Variants in BCKDHB observed in about 807,000 individuals in gnomAD.
The protein encoded by BCKDHB is 2-oxoisovalerate dehydrogenase subunit beta, mitochondrial.
BCKDHB carries 41 observed loss-of-function variants against 48.5 expected under a neutral mutation model. The observed-to-expected ratio is 0.85, with a 90% CI of 0.66 to 1.10. The LOEUF (loss-of-function observed/expected upper bound fraction) is 1.10, where lower values mean the gene tolerates loss of function less well. BCKDHB is among the 50% of genes least tolerant of loss of function. The probability of loss-of-function intolerance (pLI) is 0.00; values close to 1 mark genes in which losing one functional copy is unlikely to be tolerated. For synonymous variants in BCKDHB, 201 were observed against 174.8 expected (o/e 1.15, Z -1.18); for missense variants, 496 against 494.2 (o/e 1.00, Z -0.03).
chr6:80,259,125 G>A (rs1318643927), intron 8 of BCKDHB, among the ~76,000 whole-genome samples: 2 of 152,138 alleles, frequency 1.3e-5, no homozygotes, highest in East Asian at 3.9e-4. Context: ...TAAAAAACCT[G>A]ACCTTTGACA....
chr6:80,384,389 C>T, the BCKDHB span, among the ~76,000 whole-genome samples: 3 of 150,734 alleles, frequency 2.0e-5, no homozygotes, highest in South Asian at 2.1e-4. Context: ...GATGGAGTCT[C>T]GCTCTGTCAC....
intron 3 of BCKDHB, among the ~76,000 whole-genome samples, chr6:80,154,666 A>AT (rs1771952653): frequency 6.6e-6 from 1 of 152,104 alleles, no homozygotes; most frequent in African/African-American, 2.4e-5. Context: ...ATACTTTAAG[A>AT]TTTCTTTTAT....
At chr6:80,432,491 A>T in the BCKDHB span, among the ~76,000 whole-genome samples, 1 of 152,028 alleles carries the variant, frequency 6.6e-6, no homozygotes, top group Non-Finnish European at 1.5e-5. Context: ...ATACTTGTGT[A>T]TGCTTCACGA....
intron 3 of BCKDHB, among the ~76,000 whole-genome samples, chr6:80,149,947 G>A (rs1771686105): frequency 6.6e-6 from 1 of 150,922 alleles, no homozygotes; most frequent in Non-Finnish European, 1.5e-5. Flanking sequence ...CCTGCACATT[G>A]TGCACATGTA....
At chr6:80,442,548 A>G in the BCKDHB span, among the ~76,000 whole-genome samples, 1 of 152,182 alleles carries the variant, frequency 6.6e-6, no homozygotes, top group Non-Finnish European at 1.5e-5. Context: ...AAGCTTAGCC[A>G]TGAGAATGGA....
chr6:80,235,990 C>A (rs1051152308), intron 8 of BCKDHB, among the ~76,000 whole-genome samples: 1 of 152,166 alleles, frequency 6.6e-6, no homozygotes, highest in Non-Finnish European at 1.5e-5. Flanking sequence ...GTCAACCAGG[C>A]AACTTAACCT....
At chr6:80,134,926 AT>A (rs1770809831) in intron 3 of BCKDHB, among the ~76,000 whole-genome samples, 1 of 151,690 alleles carries the variant, frequency 6.6e-6, no homozygotes, top group Non-Finnish European at 1.5e-5. Context: ...TGATTTTTGT[AT>A]TTTTAGTAGA....
At chr6:80,435,245 G>A in the BCKDHB span, among the ~76,000 whole-genome samples, 1 of 152,166 alleles carries the variant, frequency 6.6e-6, no homozygotes, top group Non-Finnish European at 1.5e-5. Context: ...GGAGTCTACA[G>A]CTGGGCACAA....
At chr6:80,371,109 A>G in the BCKDHB span, among the ~76,000 whole-genome samples, 2 of 152,080 alleles carry the variant, frequency 1.3e-5, no homozygotes, top group African/African-American at 2.4e-5. Flanking sequence ...CCCACCAACA[A>G]TGTAAAAGTG....
At chr6:80,282,135 G>T (rs1766357692) in intron 9 of BCKDHB, among the ~76,000 whole-genome samples, 1 of 151,946 alleles carries the variant, frequency 6.6e-6, no homozygotes, top group Non-Finnish European at 1.5e-5. Context: ...AAATTAATAG[G>T]GCCTTTATTT....
At chr6:80,162,071 C>T (rs1772343489) in intron 3 of BCKDHB, among the ~76,000 whole-genome samples, 1 of 152,150 alleles carries the variant, frequency 6.6e-6, no homozygotes, top group South Asian at 2.1e-4. Context: ...GCAAAACATG[C>T]CATGATGCAA....
At chr6:80,233,410 A>G (rs1380914468) in intron 8 of BCKDHB, among the ~76,000 whole-genome samples, 1 of 152,178 alleles carries the variant, frequency 6.6e-6, no homozygotes, top group Non-Finnish European at 1.5e-5. Flanking sequence ...ATCATTCCCA[A>G]CTAAGAATCA....
intron 9 of BCKDHB, among the ~76,000 whole-genome samples, chr6:80,318,651 C>T (rs1768560360): frequency 1.4e-5 from 2 of 147,658 alleles, no homozygotes; most frequent in South Asian, 4.3e-4. Context: ...TGCCACTGCA[C>T]TCCAGCCTGG....
chr6:80,120,619 T>C (rs567444841), intron 1 of BCKDHB, among the ~76,000 whole-genome samples: 1 of 152,366 alleles, frequency 6.6e-6, no homozygotes, highest in African/African-American at 2.4e-5. Flanking sequence ...CCGGTGATGA[T>C]AAGCATTTTC....
chr6:80,260,847 A>G (rs1777269311), intron 8 of BCKDHB, among the ~76,000 whole-genome samples: 1 of 152,242 alleles, frequency 6.6e-6, no homozygotes, highest in African/African-American at 2.4e-5. Flanking sequence ...CAAAGATAAC[A>G]TAACAGAAAG....
chr6:80,411,153 T>C, the BCKDHB span, among the ~76,000 whole-genome samples: 1 of 152,194 alleles, frequency 6.6e-6, no homozygotes, highest in Non-Finnish European at 1.5e-5. Flanking sequence ...CTTTTGTTGA[T>C]GTTGATGCTG....
chr6:80,162,502 T>C (rs1772365577), intron 3 of BCKDHB, among the ~76,000 whole-genome samples: 1 of 152,210 alleles, frequency 6.6e-6, no homozygotes, highest in Non-Finnish European at 1.5e-5. Flanking sequence ...CAGTGTTCTC[T>C]TCTCTACTGA....
rs1562241515 is a variant in BCKDHB, at chr6:80,342,583, AGGG to A, written c.1039-1080_1039-1078del. 4.5e-3 allele frequency among the ~76,000 whole-genome samples: 577 copies of A among 127,958 alleles called. 29 individuals are homozygous for A. Among genetic ancestry groups the A allele is most frequent in the Middle Eastern group, 0.012 (3 of 248 alleles). 83.9% of individuals were successfully genotyped at this position (127,958 alleles called of 152,430 possible). On this transcript the variant is annotated intron_variant, in intron 9 of 9. Transcript: ENST00000320393. Reference sequence around the variant, plus strand: ...AAAAAAAAAAAAAAAAAAAAAAGAAAGGGAAGAAAGGGGAAGGAAGGGAAGGAA... The same window carrying A: ...AAAAAAAAAAAAAAAAAAAAAAGAAAAAGAAAGGGGAAGGAAGGGAAGGAA...
intron 6 of BCKDHB, among the ~76,000 whole-genome samples, chr6:80,185,223 G>A (rs548229771): frequency 1.3e-5 from 2 of 151,990 alleles, no homozygotes; most frequent in East Asian, 1.9e-4. Context: ...ACTTTGCAGT[G>A]TATTTTTTAT....
Sources: gnomAD v4.1 joint callset for allele counts (sites outside exome capture counted in the v4.1 genomes callset) on GRCh38, gnomAD v4.1.1 for gene constraint, MANE v1.5 for transcripts, NCBI Gene and HGNC (gene_info 2026-07-23, HGNC 2026-07-21) for gene names.